Variants in DNAH8 observed in about 807,000 individuals in gnomAD.
DNAH8 encodes the protein axonemal beta dynein heavy chain 8.
A neutral mutation model predicts 562.1 loss-of-function variants in DNAH8; 382 were observed. That is an observed-to-expected ratio of 0.68 (90% confidence interval 0.63 to 0.74). DNAH8 has a LOEUF of 0.74. Among genes scored for constraint, DNAH8 ranks in the 30% least tolerant of loss-of-function variants. The pLI is 0.00. For missense variants in DNAH8, 5,203 were observed against 5,620.4 expected (o/e 0.93, Z 2.37); for synonymous variants, 1,881 against 1,919.4 (o/e 0.98, Z 0.52).
chr6:38,945,655 C>CT, intron 80 of DNAH8, 67 bp downstream of exon 80: 1 of 1,593,366 alleles, frequency 6.3e-7, no homozygotes, highest in Non-Finnish European at 8.6e-7. Flanking sequence ...GCCGCTTAAA[C>CT]TGGGGCTTCC....
Position 38,737,236 on chromosome 6 carries a change from G to T in DNAH8, c.932G>T (p.Arg311Ile). Residue 311 changes from arginine (R) to isoleucine (I), a missense_variant, in exon 6 of 93, where the codon AGA becomes ATA. Around this residue, in one of 6 missense-constraint regions of DNAH8, gnomAD observed 556 missense variants for 496.9 expected, o/e 1.12. Coordinates refer to ENST00000327475, the MANE Select transcript of DNAH8 (RefSeq NM_001206927.2). ...EKHIFTETIN[R>I]YLSFLDGARI... Reference sequence around the variant, plus strand: ...CATATTTTCACTGAAACCATCAACAGATATCTTTCATTTTTAGATGGTAAG... The same window carrying T: ...CATATTTTCACTGAAACCATCAACATATATCTTTCATTTTTAGATGGTAAG... 1 of 1,449,524 alleles carries T rather than the reference G, an allele frequency of 6.9e-7. No individual in the cohort carries two copies. The highest frequency in any genetic ancestry group is 9.1e-7 in the Non-Finnish European group (1 of 1,094,928). 89.8% of individuals were successfully genotyped at this position (1,449,524 alleles called of 1,614,324 possible).
At chr6:38,825,948 C>G (rs1022426729) in intron 28 of DNAH8, among the ~76,000 whole-genome samples, 43 of 152,160 alleles carry the variant, frequency 2.8e-4, no homozygotes, top group African/African-American at 9.9e-4. Context: ...ATGCACATTT[C>G]CACGGGGATA....
chr6:39,014,667 A>C (rs1167136300), intron 91 of DNAH8, among the ~76,000 whole-genome samples: 1 of 152,208 alleles, frequency 6.6e-6, no homozygotes, highest in Admixed American at 6.5e-5. Context: ...GGGTTTGCAG[A>C]AGCAGGGATG....
At chr6:38,870,006 A>G (rs1777344079) in intron 48 of DNAH8, among the ~76,000 whole-genome samples, 2 of 152,204 alleles carry the variant, frequency 1.3e-5, no homozygotes, top group Non-Finnish European at 2.9e-5. Context: ...CTGGGAGGTG[A>G]ATGAGGAGCA....
intron 37 of DNAH8, 114 bp downstream of exon 37, chr6:38,848,915 G>A (rs1230900120): frequency 1.1e-6 from 1 of 933,178 alleles, no homozygotes; most frequent in Non-Finnish European, 1.6e-6. Context: ...ATGGGGTTTG[G>A]CAAACTATGG....
chr6:38,938,809 C>T lies in DNAH8; in HGVS notation c.11828C>T (p.Ser3943Leu). 1 of 1,599,760 alleles carries T rather than the reference C, an allele frequency of 6.3e-7. No individual in the cohort carries two copies. The highest frequency in any genetic ancestry group is 8.5e-7 in the Non-Finnish European group (1 of 1,173,350). Residue 3943 changes from serine to leucine, a missense_variant, in exon 79 of 93, where the codon TCA becomes TTA. Around this residue, in one of 6 missense-constraint regions of DNAH8, gnomAD observed 1,399 missense variants for 1,518.4 expected, o/e 0.92. Transcript: ENST00000327475. ...FDQSMARSEK[S>L]PLPQKRITNI... ...AAAATGTGTTTCAGATCTGAAAAGT[C>T]ACCACTACCTCAAAAGAGAATTACA...
intron 1 of DNAH8, among the ~76,000 whole-genome samples, chr6:38,715,941 TATATATATATATATA>T (rs1302542938): frequency 3.5e-4 from 6 of 16,998 alleles, no homozygotes; most frequent in South Asian, 3.7e-3. Context: ...TATATATATA[TATATATATATATATA>T]TATATTTTTT....
In DNAH8 at chr6:38,875,590, GTC is replaced by G. The variant is rs750674324; in HGVS notation, c.7625_7626del (p.Leu2542GlnfsTer23). The part of the protein sequence containing the change: ...QLLECNYIVQ[S>X]LNLLEGLIPS... ...ATTTATTTTATTTGAAACATTTTCA[GTC>G]TCTCAATCTTCTGGAAGGGTTAATT... On this transcript the variant is annotated frameshift_variant and splice_region_variant, in exon 53 of 93. Coordinates refer to ENST00000327475, the MANE Select transcript of DNAH8 (RefSeq NM_001206927.2). LOFTEE classifies it high-confidence loss of function. The G allele has an allele frequency of 1.4e-6, 2 of 1,481,082 alleles. No individual in the cohort carries two copies. The highest frequency in any genetic ancestry group is 2.1e-5 in the Admixed American group (1 of 46,934). 91.7% of individuals were successfully genotyped at this position (1,481,082 alleles called of 1,614,324 possible).
At chr6:38,740,547 T>C (rs1367398298) in intron 7 of DNAH8, among the ~76,000 whole-genome samples, 3 of 152,212 alleles carry the variant, frequency 2.0e-5, no homozygotes, top group African/African-American at 7.2e-5. Flanking sequence ...TATGTATAGA[T>C]CTAGCAACTT....
intron 88 of DNAH8, among the ~76,000 whole-genome samples, chr6:39,006,641 A>G (rs1561968059): frequency 3.3e-5 from 5 of 152,238 alleles, no homozygotes; most frequent in Admixed American, 3.3e-4. Flanking sequence ...TGCTTCCATC[A>G]GGTGCCACCT....
At chr6:38,766,257 C>T (rs2127615501) in intron 11 of DNAH8, among the ~76,000 whole-genome samples, 1 of 152,014 alleles carries the variant, frequency 6.6e-6, no homozygotes, top group African/African-American at 2.4e-5. Context: ...TTTCATTATG[C>T]TAAGTGAAAT....
rs1019965545 is a variant in DNAH8 at position 38,805,330 on chromosome 6, A to G, written c.3035-151A>G. On this transcript the variant is annotated intron_variant, in intron 22 of 92. Transcript: ENST00000327475. The stretch of plus-strand genomic sequence containing the variant: ...TAAATTGAATTCAAGGATGACTCCT[A>G]GAGGAACAAATGCGAAAAGCATTTT... 2.3e-4 allele frequency: 130 copies of G among 569,004 alleles called. 2 individuals are homozygous for G. Among genetic ancestry groups the G allele is most frequent in the South Asian group, 1.6e-3 (80 of 50,930 alleles). The allele number at this position is 569,004 out of a possible 1,614,324, so 35.2% of individuals were successfully genotyped here.
rs573574677 is a variant in DNAH8, at chr6:39,001,388, C to G, written c.13215-7426C>G. Among the ~76,000 whole-genome samples, 76 of 152,090 alleles carry G rather than the reference C, an allele frequency of 5.0e-4. 1 individual carries two copies. The highest frequency in any genetic ancestry group is 9.8e-4 in the Admixed American group (15 of 15,282). On this transcript the variant is annotated intron_variant, in intron 88 of 92. Coordinates refer to ENST00000327475, the MANE Select transcript of DNAH8 (RefSeq NM_001206927.2). ...AGAATGACAAGTACAACAATAAAAG[C>G]AAGCACTGAGAGCTATGCGCACACA...
chr6:38,915,250 A>G lies in DNAH8; in HGVS notation c.10013A>G (p.Asn3338Ser), dbSNP rs770345794. 3 of 1,610,252 alleles carry G rather than the reference A, an allele frequency of 1.9e-6. No individual in the cohort carries two copies. The highest frequency in any genetic ancestry group is 2.2e-5 in the East Asian group (1 of 44,692). Residue 3338 changes from asparagine to serine, a missense_variant, in exon 68 of 93, where the codon AAT (asparagine) becomes AGT (serine). This residue lies in a region of DNAH8 where 87 missense variants were observed against 144.9 expected (regional missense o/e 0.60). Coordinates refer to ENST00000327475, the MANE Select transcript of DNAH8 (RefSeq NM_001206927.2). The part of the protein sequence containing the change: ...VSAQASAKIK[N>S]EVQEVKDKAQ... ...GCTCAGGCTTCAGCCAAAATTAAAAATGAAGTACAGGAGGTAAAGGACAAA... is the reference window on the plus strand; with the variant it reads ...GCTCAGGCTTCAGCCAAAATTAAAAGTGAAGTACAGGAGGTAAAGGACAAA...
intron 36 of DNAH8, 33 bp downstream of exon 36, chr6:38,845,806 G>T (rs751742735): frequency 6.6e-7 from 1 of 1,514,488 alleles, no homozygotes; most frequent in South Asian, 1.1e-5. Flanking sequence ...AGATTTAAAT[G>T]GGATATTTAG....
intron 82 of DNAH8, among the ~76,000 whole-genome samples, chr6:38,956,308 TCTA>T (rs1347263477): frequency 6.6e-6 from 1 of 152,082 alleles, no homozygotes; most frequent in African/African-American, 2.4e-5. Flanking sequence ...TGTGCAGGGA[TCTA>T]CTGGGAGATA....
chr6:38,819,999 T>C (rs1772676713), intron 26 of DNAH8, among the ~76,000 whole-genome samples: 1 of 152,214 alleles, frequency 6.6e-6, no homozygotes, highest in African/African-American at 2.4e-5. Flanking sequence ...AGTCAATTCT[T>C]TGATTAATCT....
intron 1 of DNAH8, 95 bp downstream of exon 1, chr6:38,715,510 G>A (rs1762204327): frequency 6.6e-6 from 1 of 152,326 alleles, no homozygotes; most frequent in Admixed American, 6.5e-5. Context: ...TTCTTTTTAG[G>A]GGACTGGAAT....
chr6:38,931,839 T>A lies in DNAH8; in HGVS notation c.11303T>A (p.Ile3768Asn), dbSNP rs1409707763. Residue 3768 changes from isoleucine (I) to asparagine (N), a missense_variant, in exon 76 of 93, where the codon ATC (isoleucine) becomes AAC (asparagine). This residue lies in a region of DNAH8 where 1,399 missense variants were observed against 1,518.4 expected (regional missense o/e 0.92). Coordinates refer to ENST00000327475, the MANE Select transcript of DNAH8 (RefSeq NM_001206927.2). Reference sequence around the variant, plus strand: ...AAAGTCGGTGATAAGGAATGTGATATCATGGATACATTTAAACTTTACATT... The same window carrying A: ...AAAGTCGGTGATAAGGAATGTGATAACATGGATACATTTAAACTTTACATT... Reference protein sequence around the residue: ...KVKVGDKECDIMDTFKLYITT... With the variant: ...KVKVGDKECDNMDTFKLYITT... 3.8e-6 allele frequency: 6 copies of A among 1,599,190 alleles called. No individual in the cohort carries two copies. Among genetic ancestry groups the A allele is most frequent in the Non-Finnish European group, 5.1e-6 (6 of 1,174,588 alleles).
Sources: allele counts gnomAD v4.1 joint callset (sites outside exome capture counted in the v4.1 genomes callset), GRCh38; gene constraint gnomAD v4.1.1; regional missense constraint gnomAD v4.1.1; transcripts MANE v1.5; gene names NCBI Gene and HGNC (gene_info 2026-07-23, HGNC 2026-07-21).